Variants in WDR64 observed in about 807,000 individuals in gnomAD.
WDR64 encodes the protein WD repeat-containing protein 64.
Under a neutral mutation model 139.3 loss-of-function variants are expected in WDR64, and 112 were observed. The ratio of observed to expected loss-of-function variants is 0.80; its 90% CI spans 0.69 to 0.94. The LOEUF (loss-of-function observed/expected upper bound fraction) is 0.94. WDR64 is among the 40% of genes least tolerant of loss of function. The probability of loss-of-function intolerance (pLI) is 0.00; values close to 1 mark genes in which losing one functional copy is unlikely to be tolerated. For synonymous variants in WDR64, 444 were observed against 437.7 expected (o/e 1.01, Z -0.18); for missense variants, 1,206 against 1,293.1 (o/e 0.93, Z 1.03).
intron 6 of WDR64, among the ~76,000 whole-genome samples, chr1:241,680,616 AC>A (rs1407731929): frequency 6.6e-6 from 1 of 151,800 alleles, no homozygotes; most frequent in Non-Finnish European, 1.5e-5. Context: ...TCTTGCCTAC[AC>A]CCTCTGGGGG....
chr1:241,777,863 T>C (rs961317606), intron 21 of WDR64, among the ~76,000 whole-genome samples: 4 of 152,190 alleles, frequency 2.6e-5, no homozygotes, highest in African/African-American at 4.8e-5. Flanking sequence ...TTTAATTCCA[T>C]TGTGGTCTGA....
chr1:241,728,178 C>G (rs1242776357), intron 10 of WDR64, among the ~76,000 whole-genome samples: 1 of 150,322 alleles, frequency 6.7e-6, no homozygotes. Flanking sequence ...ACTAAAACTA[C>G]AAAAATTAGC....
intron 9 of WDR64, among the ~76,000 whole-genome samples, chr1:241,713,357 G>T (rs1668254076): frequency 1.1e-5 from 1 of 92,904 alleles, no homozygotes; most frequent in Non-Finnish European, 2.4e-5. Context: ...GGGAGGGAGG[G>T]ACAGAGGGAG....
chr1:241,729,802 T>C (rs555596567), intron 10 of WDR64, among the ~76,000 whole-genome samples: 1 of 152,336 alleles, frequency 6.6e-6, no homozygotes, highest in Admixed American at 6.5e-5. Flanking sequence ...TTTAGTTCCT[T>C]GTGCTTTCTG....
intron 22 of WDR64, among the ~76,000 whole-genome samples, chr1:241,782,562 A>T (rs533468036): frequency 5.4e-4 from 82 of 152,294 alleles, no homozygotes; most frequent in African/African-American, 1.9e-3. Context: ...AGTGCAGAGC[A>T]AGCTCTCCAC....
At chr1:241,666,731 G>A (rs766071596) in intron 2 of WDR64, among the ~76,000 whole-genome samples, 7 of 152,134 alleles carry the variant, frequency 4.6e-5, no homozygotes, top group Non-Finnish European at 1.0e-4. Flanking sequence ...CTCCTACTGG[G>A]GACTTGGTGC....
chr1:241,770,750 G>T, intron 18 of WDR64, 60 bp downstream of exon 18: 1 of 1,478,602 alleles, frequency 6.8e-7, no homozygotes, highest in South Asian at 1.2e-5. Context: ...TTCAAAAATA[G>T]TGCTATTGAG....
intron 9 of WDR64, among the ~76,000 whole-genome samples, chr1:241,713,562 G>A (rs570532322): frequency 1.1e-4 from 17 of 151,714 alleles, no homozygotes; most frequent in Non-Finnish European, 2.2e-4. Flanking sequence ...AGGGAGGAAG[G>A]ATGCCTACTT....
chr1:241,773,149 A>G (rs569023448), intron 20 of WDR64, among the ~76,000 whole-genome samples: 58 of 152,286 alleles, frequency 3.8e-4, no homozygotes, highest in African/African-American at 1.3e-3. Flanking sequence ...CAAAACTGCT[A>G]ACTTAGCTAT....
intron 2 of WDR64, among the ~76,000 whole-genome samples, chr1:241,669,049 T>G (rs1285138934): frequency 6.6e-6 from 1 of 152,232 alleles, no homozygotes; most frequent in Non-Finnish European, 1.5e-5. Context: ...AAACGATTAC[T>G]ATATGCCGGG....
In WDR64 at chr1:241,703,704, A is replaced by G. The variant is rs1184601388; in HGVS notation, c.975-8098A>G. Among the ~76,000 whole-genome samples, 1 of 152,162 alleles carries G rather than the reference A, an allele frequency of 6.6e-6. No individual in the cohort carries two copies. Among genetic ancestry groups the G allele is most frequent in the Non-Finnish European group, 1.5e-5 (1 of 68,036 alleles). On this transcript the variant is annotated intron_variant, in intron 8 of 27. Transcript: ENST00000437684. The surrounding 1 kb of genome is among the most constrained non-coding windows in gnomAD (Gnocchi z 5.9). ...CCGTTGTGTATTAATCCATTTTCACACTGCTATAAAGATACTATCTGAGAC... is the reference window on the plus strand; with the variant it reads ...CCGTTGTGTATTAATCCATTTTCACGCTGCTATAAAGATACTATCTGAGAC...
chr1:241,664,944 C>T (rs1245293931), intron 2 of WDR64, among the ~76,000 whole-genome samples: 5 of 152,036 alleles, frequency 3.3e-5, no homozygotes, highest in Non-Finnish European at 7.4e-5. Context: ...TGCCTATAAT[C>T]CCAGCACTTT....
chr1:241,765,269 A>G (rs1042284323), intron 15 of WDR64, among the ~76,000 whole-genome samples: 1 of 152,136 alleles, frequency 6.6e-6, no homozygotes, highest in Non-Finnish European at 1.5e-5. Flanking sequence ...TACCTGTAAA[A>G]TGTCTAAGTA....
rs1370668083 is a variant in WDR64, at chr1:241,667,607, G to GT, written c.277-3465dup. On this transcript the variant is annotated intron_variant, in intron 2 of 27. Coordinates refer to ENST00000437684, the MANE Select transcript of WDR64 (RefSeq NM_001367482.1). ...ATGGGGGACTTGAAGTTCCATTGCT[G>GT]TTGCTGAGACATAGGAGGGCCCATG... is the stretch of plus-strand genomic sequence containing the variant. Among the ~76,000 whole-genome samples the GT allele has an allele frequency of 3.9e-5, 6 of 152,150 alleles. No homozygotes were observed. In the South Asian group the frequency reaches 1.2e-3, roughly 32 times the overall value.
chr1:241,665,214 A>G (rs991533671), intron 2 of WDR64, among the ~76,000 whole-genome samples: 2 of 152,224 alleles, frequency 1.3e-5, no homozygotes, highest in African/African-American at 4.8e-5. Context: ...AGATTTAAAA[A>G]AAAATGGGGC....
intron 2 of WDR64, among the ~76,000 whole-genome samples, chr1:241,669,246 C>A (rs913844349): frequency 6.6e-6 from 1 of 152,152 alleles, no homozygotes; most frequent in Non-Finnish European, 1.5e-5. Flanking sequence ...ACAGTCTGAA[C>A]CCTGACCCTG....
chr1:241,714,063 G>A (rs1668305536), intron 9 of WDR64, among the ~76,000 whole-genome samples: 1 of 152,208 alleles, frequency 6.6e-6, no homozygotes. Flanking sequence ...TTTGGTGACA[G>A]GAAAAGATCT....
chr1:241,684,267 A>T (rs1343519636), intron 7 of WDR64, among the ~76,000 whole-genome samples: 1 of 152,216 alleles, frequency 6.6e-6, no homozygotes, highest in Non-Finnish European at 1.5e-5. Context: ...TAAAAGATAT[A>T]ATCCTCCAAG....
chr1:241,670,927 C>T (rs1666200445), intron 2 of WDR64, 147 bp from the exon 3 acceptor site: 1 of 560,344 alleles, frequency 1.8e-6, no homozygotes, highest in Admixed American at 3.6e-5. Context: ...AAACTGTCTC[C>T]TGGTATAGGG....
Sources: gnomAD v4.1 joint callset for allele counts (sites outside exome capture counted in the v4.1 genomes callset) on GRCh38, gnomAD v4.1.1 for gene constraint, Gnocchi (gnomAD v3.1) non-coding constraint, MANE v1.5 for transcripts, NCBI Gene and HGNC (gene_info 2026-07-23, HGNC 2026-07-21) for gene names.